SLC9D1: variants seen among roughly 807,000 people sequenced by gnomAD.
The protein encoded by SLC9D1 is solute carrier family 9 member D1.
At chr13:113,501,723 TTC>T in the SLC9D1 span, 1 of 1,593,930 alleles carries the variant, frequency 6.3e-7, no homozygotes, top group African/African-American at 1.3e-5. Context: ...TATCTTATAC[TTC>T]TGTTTCTTAT....
the SLC9D1 span, among the ~76,000 whole-genome samples, chr13:113,546,256 G>T: frequency 6.6e-6 from 1 of 152,098 alleles, no homozygotes; most frequent in South Asian, 2.1e-4. This position sits in a 1 kb window ranked among gnomAD's most constrained non-coding sequence, Gnocchi z 7.1. Flanking sequence ...GGGGAAGCAG[G>T]ACTGGGGCCG....
At chr13:113,498,677 G>A in the SLC9D1 span, 6 of 578,328 alleles carry the variant, frequency 1.0e-5, no homozygotes, top group Middle Eastern at 1.7e-3. Context: ...ATTTGGTCTT[G>A]TAGAAGTAAG....
the SLC9D1 span, among the ~76,000 whole-genome samples, chr13:113,541,649 GC>G: frequency 7.1e-6 from 1 of 141,096 alleles, no homozygotes. Context: ...TCACTGCCAT[GC>G]TTTATTACCG....
the SLC9D1 span, among the ~76,000 whole-genome samples, chr13:113,516,586 A>T: frequency 6.6e-6 from 1 of 151,710 alleles, no homozygotes; most frequent in African/African-American, 2.4e-5. Context: ...AAAAGAAAAG[A>T]AAAGAAAAGA....
the SLC9D1 span, among the ~76,000 whole-genome samples, chr13:113,521,112 G>T: frequency 1.3e-5 from 2 of 152,082 alleles, no homozygotes; most frequent in African/African-American, 2.4e-5. Context: ...CACGGGGAGG[G>T]AGTATCTGTG....
At chr13:113,543,721 G>A in the SLC9D1 span, among the ~76,000 whole-genome samples, 27 of 150,280 alleles carry the variant, frequency 1.8e-4, no homozygotes, top group South Asian at 1.7e-3. Flanking sequence ...CTTGTCCGCC[G>A]GGGCTTTGTT....
the SLC9D1 span, among the ~76,000 whole-genome samples, chr13:113,544,937 C>T: frequency 0.19 from 29,477 of 152,274 alleles, 3,663 homozygotes; most frequent in African/African-American, 0.35. Flanking sequence ...GATGCCTGCC[C>T]AGCTCCCTAA....
the SLC9D1 span, among the ~76,000 whole-genome samples, chr13:113,522,383 C>T: frequency 6.6e-6 from 1 of 152,294 alleles, no homozygotes. Flanking sequence ...CTCTGTCGCC[C>T]AGCCTGGAGT....
chr13:113,549,749 T>C, the SLC9D1 span: 1 of 726,298 alleles, frequency 1.4e-6, no homozygotes, highest in Non-Finnish European at 2.5e-6. Context: ...GTCTGTTGAT[T>C]ATGTGCAGTA....
chr13:113,494,227 T>G, the SLC9D1 span, among the ~76,000 whole-genome samples: 1 of 152,182 alleles, frequency 6.6e-6, no homozygotes, highest in African/African-American at 2.4e-5. Flanking sequence ...TAAATCTGCG[T>G]AAGTGGTAGG....
At chr13:113,531,139 C>T in the SLC9D1 span, among the ~76,000 whole-genome samples, 1 of 152,240 alleles carries the variant, frequency 6.6e-6, no homozygotes, top group African/African-American at 2.4e-5. Context: ...GTCACCGCAG[C>T]GCCCAAGAAC....
chr13:113,520,848 GT>G, the SLC9D1 span: 1 of 780,666 alleles, frequency 1.3e-6, no homozygotes, highest in Non-Finnish European at 2.1e-6. Flanking sequence ...TCAGGATTCC[GT>G]GCACAGTCCC....
At chr13:113,509,315 A>AT in the SLC9D1 span, among the ~76,000 whole-genome samples, 4 of 79,670 alleles carry the variant, frequency 5.0e-5, no homozygotes, top group African/African-American at 2.9e-4. Flanking sequence ...CTGTGTTAGG[A>AT]TGGCAGGCTT....
At chr13:113,491,409 C>T in the SLC9D1 span, 1 of 148,752 alleles carries the variant, frequency 6.7e-6, no homozygotes, top group African/African-American at 2.5e-5. Flanking sequence ...CCCCTTCCTT[C>T]CTTCCCTCCC....
chr13:113,497,132 A>G, the SLC9D1 span, among the ~76,000 whole-genome samples: 4 of 136,372 alleles, frequency 2.9e-5, no homozygotes, highest in South Asian at 7.2e-4. Context: ...CTGTGTGTCA[A>G]GTCTGCAGTT....
chr13:113,519,914 G>A, the SLC9D1 span, among the ~76,000 whole-genome samples: 1 of 152,232 alleles, frequency 6.6e-6, no homozygotes, highest in Non-Finnish European at 1.5e-5. Flanking sequence ...TGACCAGAGG[G>A]GCCTGAGTCA....
chr13:113,531,226 A>G, the SLC9D1 span, among the ~76,000 whole-genome samples: 1 of 152,240 alleles, frequency 6.6e-6, no homozygotes, highest in African/African-American at 2.4e-5. Flanking sequence ...GCGTCCCGCC[A>G]GGGAGCCCTT....
At chr13:113,503,152 G>A in the SLC9D1 span, among the ~76,000 whole-genome samples, 1 of 152,144 alleles carries the variant, frequency 6.6e-6, no homozygotes, top group Non-Finnish European at 1.5e-5. Context: ...TTTCTTAATA[G>A]CAAAGGTGCT....
chr13:113,524,307 T>C, the SLC9D1 span, among the ~76,000 whole-genome samples: 1 of 152,182 alleles, frequency 6.6e-6, no homozygotes, highest in African/African-American at 2.4e-5. Flanking sequence ...CATTTTGTCT[T>C]CCTGGTGAAT....
Sources: allele counts gnomAD v4.1 joint callset (sites outside exome capture counted in the v4.1 genomes callset), GRCh38; gene constraint gnomAD v4.1.1; non-coding constraint Gnocchi (gnomAD v3.1); transcripts MANE v1.5; gene names NCBI Gene and HGNC (gene_info 2026-07-23, HGNC 2026-07-21).